CEP70: variants seen among roughly 807,000 people sequenced by gnomAD.
The protein encoded by CEP70 is centrosomal protein 70.
Under a neutral mutation model 90.9 loss-of-function variants are expected in CEP70, and 70 were observed. The ratio of observed to expected loss-of-function variants is 0.77; its 90% CI spans 0.64 to 0.94. CEP70 has a LOEUF of 0.94. CEP70 is among the 40% of genes least tolerant of loss of function. The probability of loss-of-function intolerance (pLI) is 0.00; values close to 1 mark genes in which losing one functional copy is unlikely to be tolerated. For missense variants in CEP70, 648 were observed against 669.0 expected (o/e 0.97, Z 0.35); for synonymous variants, 220 against 228.3 (o/e 0.96, Z 0.33).
rs145599423 is a variant in CEP70 at position 138,566,184 on chromosome 3, C to T, written c.465+4134G>A. On this transcript the variant is annotated intron_variant, in intron 6 of 17. Coordinates refer to ENST00000264982, the MANE Select transcript of CEP70 (RefSeq NM_024491.4). ...TAAAAAGTCAGAAAATAACAGATGC[C>T]GGAGAGGATGTGGAGAAATAGGAAC... 3.4e-3 allele frequency among the ~76,000 whole-genome samples: 517 copies of T among 152,032 alleles called. 2 individuals carry two copies. Among genetic ancestry groups the T allele is most frequent in the African/African-American group, 0.012 (494 of 41,486 alleles).
intron 6 of CEP70, among the ~76,000 whole-genome samples, chr3:138,568,336 T>C (rs2040927896): frequency 6.6e-6 from 1 of 152,240 alleles, no homozygotes; most frequent in African/African-American, 2.4e-5. Flanking sequence ...TTTGAAGTGC[T>C]TAAAACCCTG....
In CEP70 at chr3:138,529,410, G is replaced by A. The variant is rs776799503; in HGVS notation, c.745C>T (p.Leu249=). ...QSEEENDYRN[L]DASPTYKGLL... is the part of the protein sequence containing the mutation. ...CCTTTATAAGTTGGTGAGGCATCCA[G>A]ATTTCTGTAGTCGTTTTCTTCTTCT... The change falls in exon 9 of 18, where the codon CTG becomes TTG. Residue 249 remains leucine, a synonymous_variant. Coordinates refer to ENST00000264982, the MANE Select transcript of CEP70 (RefSeq NM_024491.4). 14 of 1,611,866 alleles carry A rather than the reference G, an allele frequency of 8.7e-6. No individual in the cohort carries two copies. The South Asian group carries it at 1.5e-4, about 18-fold the overall frequency.
intron 5 of CEP70, among the ~76,000 whole-genome samples, chr3:138,570,778 T>A (rs2607789): frequency 0.95 from 144,729 of 152,228 alleles, 68,878 homozygotes; most frequent in East Asian, 1. Flanking sequence ...AAAGTTTCAA[T>A]TTTTGGAGCC....
intron 6 of CEP70, among the ~76,000 whole-genome samples, chr3:138,538,034 G>C (rs2107819822): frequency 6.6e-6 from 1 of 152,174 alleles, no homozygotes; most frequent in Non-Finnish European, 1.5e-5. Context: ...GCAAGGAATT[G>C]CCTGTGGAAA....
chr3:138,575,975 C>G lies in CEP70; in HGVS notation c.-5-3043G>C, dbSNP rs577747077. Reference sequence around the variant, plus strand: ...AGCACTAAACATGGAAAGGAACAACCAGTACCAGCCACTGCAAAAACATGC... The same window carrying G: ...AGCACTAAACATGGAAAGGAACAACGAGTACCAGCCACTGCAAAAACATGC... On this transcript the variant is annotated intron_variant, in intron 2 of 17. Transcript: ENST00000264982. 8.7e-4 allele frequency among the ~76,000 whole-genome samples: 133 copies of G among 152,264 alleles called. 1 individual carries two copies. Among genetic ancestry groups the G allele is most frequent in the African/African-American group, 3.1e-3 (129 of 41,554 alleles).
At chr3:138,535,629 T>A (rs549250029) in intron 7 of CEP70, among the ~76,000 whole-genome samples, 1 of 152,322 alleles carries the variant, frequency 6.6e-6, no homozygotes, top group Middle Eastern at 3.4e-3. Flanking sequence ...AAAGTTTGCA[T>A]TGACAAAAAT....
At chr3:138,560,499 C>T (rs1451024306) in intron 6 of CEP70, among the ~76,000 whole-genome samples, 1 of 151,506 alleles carries the variant, frequency 6.6e-6, no homozygotes, top group African/African-American at 2.4e-5. Context: ...ACCCCAGTGG[C>T]ACCTGGAATG....
chr3:138,545,397 T>A (rs966394590), intron 6 of CEP70, among the ~76,000 whole-genome samples: 1 of 152,256 alleles, frequency 6.6e-6, no homozygotes, highest in Non-Finnish European at 1.5e-5. Flanking sequence ...CTTATGCCTG[T>A]CTTTACTTTA....
At chr3:138,585,567 A>G (rs1336072002) in intron 2 of CEP70, among the ~76,000 whole-genome samples, 6 of 152,172 alleles carry the variant, frequency 3.9e-5, no homozygotes, top group African/African-American at 1.4e-4. Context: ...AGCACAAAAG[A>G]CCCAGAATAG....
intron 2 of CEP70, among the ~76,000 whole-genome samples, chr3:138,590,500 G>A (rs1185442366): frequency 2.0e-5 from 3 of 151,958 alleles, no homozygotes; most frequent in Admixed American, 1.3e-4. Flanking sequence ...AATGAAACCC[G>A]GGCATTTTAA....
chr3:138,511,541 T>C (rs1271820402), intron 11 of CEP70, among the ~76,000 whole-genome samples: 1 of 152,246 alleles, frequency 6.6e-6, no homozygotes, highest in Admixed American at 6.5e-5. Flanking sequence ...TAATAAATGT[T>C]ACACTGTAGA....
At chr3:138,556,527 CAAAAAAAAAAAAAAA>C (rs57583939) in intron 6 of CEP70, among the ~76,000 whole-genome samples, 1 of 69,610 alleles carries the variant, frequency 1.4e-5, no homozygotes, top group African/African-American at 6.2e-5. Flanking sequence ...GACTCTGTCT[CAAAAAAAAAAAAAAA>C]AAAAAAAAAG....
Position 138,521,441 on chromosome 3 carries a change from G to T in CEP70, c.944+4049C>A, listed in dbSNP as rs181369869. On this transcript the variant is annotated intron_variant, in intron 11 of 17. Coordinates refer to ENST00000264982, the MANE Select transcript of CEP70 (RefSeq NM_024491.4). ...AGCCGCCCAGTCTGGGAAGTGAGGA[G>T]TGCCTCTTCCAGGCCGTCATCCTGT... Among the ~76,000 whole-genome samples the T allele has an allele frequency of 2.7e-5, 4 of 150,168 alleles. No homozygotes were observed. In the East Asian group the frequency reaches 8.1e-4, roughly 30 times the overall value.
intron 6 of CEP70, among the ~76,000 whole-genome samples, chr3:138,549,894 TGCA>T (rs1301275673): frequency 6.6e-6 from 1 of 152,116 alleles, no homozygotes; most frequent in East Asian, 1.9e-4. Flanking sequence ...AAGGACTCTG[TGCA>T]GATAATCCCC....
chr3:138,581,112 C>T (rs1479797581), intron 2 of CEP70, among the ~76,000 whole-genome samples: 1 of 151,610 alleles, frequency 6.6e-6, no homozygotes, highest in East Asian at 2.0e-4. Context: ...TGGTAAAACC[C>T]CATCTCTACT....
At chr3:138,497,380 G>A in intron 17 of CEP70, 1 of 1,203,842 alleles carries the variant, frequency 8.3e-7, no homozygotes, top group Non-Finnish European at 1.0e-6. Flanking sequence ...AAAATTCACT[G>A]GTGAATACAT....
chr3:138,560,303 G>A (rs1380962993), intron 6 of CEP70, among the ~76,000 whole-genome samples: 1 of 152,160 alleles, frequency 6.6e-6, no homozygotes, highest in African/African-American at 2.4e-5. Context: ...GGGAGGGACT[G>A]TGCCGTGAGG....
chr3:138,503,212 C>T (rs564152234), intron 13 of CEP70, among the ~76,000 whole-genome samples: 2 of 152,254 alleles, frequency 1.3e-5, no homozygotes, highest in South Asian at 2.1e-4. Context: ...TAGCCATCAC[C>T]ACTCTACTTT....
chr3:138,565,660 C>A (rs574796764), intron 6 of CEP70, among the ~76,000 whole-genome samples: 33 of 152,278 alleles, frequency 2.2e-4, no homozygotes, highest in African/African-American at 7.0e-4. Context: ...AACTGGACCC[C>A]TTTCTTACAC....
Sources: allele counts gnomAD v4.1 joint callset (sites outside exome capture counted in the v4.1 genomes callset), GRCh38; gene constraint gnomAD v4.1.1; transcripts MANE v1.5; gene names NCBI Gene and HGNC (gene_info 2026-07-23, HGNC 2026-07-21).